The following CNTNAP5 variants were observed in gnomAD, a reference collection of about 807,000 sequenced individuals.
CNTNAP5 encodes contactin-associated protein-like 5.
CNTNAP5 carries 72 observed loss-of-function variants against 150.2 expected under a neutral mutation model. The ratio of observed to expected loss-of-function variants is 0.48; its 90% CI spans 0.40 to 0.58. The LOEUF is 0.58. Among genes scored for constraint, CNTNAP5 ranks in the 20% least tolerant of loss-of-function variants. The probability of loss-of-function intolerance (pLI) is 0.00; values close to 1 mark genes in which losing one functional copy is unlikely to be tolerated. For missense variants in CNTNAP5, 1,636 were observed against 1,626.2 expected (o/e 1.01, Z -0.10); for synonymous variants, 672 against 619.8 (o/e 1.08, Z -1.25).
chr2:124,109,137 G>A (rs1399923491), intron 1 of CNTNAP5, among the ~76,000 whole-genome samples: 1 of 152,036 alleles, frequency 6.6e-6, no homozygotes, highest in African/African-American at 2.4e-5. Flanking sequence ...TGCTCCAAAG[G>A]GTCCCTGATT....
chr2:124,161,834 A>C (rs1684687341), intron 1 of CNTNAP5, among the ~76,000 whole-genome samples: 2 of 152,210 alleles, frequency 1.3e-5, no homozygotes, highest in African/African-American at 4.8e-5. Context: ...TGATGATTAA[A>C]ATTTAGAAAG....
At chr2:124,537,515 T>C (rs944236587) in intron 10 of CNTNAP5, among the ~76,000 whole-genome samples, 1 of 152,060 alleles carries the variant, frequency 6.6e-6, no homozygotes, top group Non-Finnish European at 1.5e-5. Context: ...ATCTAATTCT[T>C]TGAGCTGACT....
intron 1 of CNTNAP5, among the ~76,000 whole-genome samples, chr2:124,050,860 C>T (rs1681677430): frequency 6.6e-6 from 1 of 152,198 alleles, no homozygotes; most frequent in Non-Finnish European, 1.5e-5. Flanking sequence ...AGTCCTGAAA[C>T]AAAATTTATA....
chr2:124,867,115 T>G (rs563766302), intron 20 of CNTNAP5, among the ~76,000 whole-genome samples: 1 of 152,064 alleles, frequency 6.6e-6, no homozygotes, highest in African/African-American at 2.4e-5. Context: ...TTCTCCTTCC[T>G]CCCTCCCTTT....
chr2:124,417,310 A>C (rs1691943894), intron 3 of CNTNAP5, 133 bp from the exon 4 acceptor site: 1 of 867,898 alleles, frequency 1.2e-6, no homozygotes, highest in African/African-American at 1.7e-5. Flanking sequence ...ATTTTCACCC[A>C]AGTCATATTT....
chr2:124,324,691 G>A (rs1263547233), intron 3 of CNTNAP5, among the ~76,000 whole-genome samples: 4 of 152,184 alleles, frequency 2.6e-5, no homozygotes, highest in African/African-American at 9.7e-5. Flanking sequence ...GTGCAAGGAG[G>A]AGGAGACAGC....
At chr2:124,072,104 C>T (rs1433833450) in intron 1 of CNTNAP5, among the ~76,000 whole-genome samples, 9 of 151,938 alleles carry the variant, frequency 5.9e-5, no homozygotes. Context: ...TGTGATACAT[C>T]TTATCAGCAG....
chr2:124,566,985 G>C (rs1258856769), intron 11 of CNTNAP5, among the ~76,000 whole-genome samples: 1 of 152,138 alleles, frequency 6.6e-6, no homozygotes, highest in Non-Finnish European at 1.5e-5. Context: ...TTTACTGAAG[G>C]AATTGACCAC....
intron 3 of CNTNAP5, among the ~76,000 whole-genome samples, chr2:124,296,879 C>G (rs1478906863): frequency 6.6e-6 from 1 of 152,164 alleles, no homozygotes; most frequent in Non-Finnish European, 1.5e-5. Context: ...GAGAAGGGCT[C>G]TCTGCCACTC....
intron 3 of CNTNAP5, among the ~76,000 whole-genome samples, chr2:124,403,775 A>T (rs540838740): frequency 6.6e-6 from 1 of 152,284 alleles, no homozygotes; most frequent in African/African-American, 2.4e-5. Flanking sequence ...GTAATTTATA[A>T]AAGAAGGAGG....
intron 1 of CNTNAP5, among the ~76,000 whole-genome samples, chr2:124,217,732 G>T (rs1304771241): frequency 6.6e-6 from 1 of 152,092 alleles, no homozygotes; most frequent in African/African-American, 2.4e-5. Flanking sequence ...TAAAATATTT[G>T]CTCTCAAATG....
chr2:124,893,371 T>C (rs1366550539), intron 21 of CNTNAP5, among the ~76,000 whole-genome samples: 1 of 152,174 alleles, frequency 6.6e-6, no homozygotes, highest in East Asian at 1.9e-4. Context: ...TTTTACTCAG[T>C]ACAGCAGGAT....
At chr2:124,030,910 A>G (rs956872593) in intron 1 of CNTNAP5, among the ~76,000 whole-genome samples, 6 of 152,160 alleles carry the variant, frequency 3.9e-5, no homozygotes, top group Admixed American at 2.6e-4. Context: ...ACCAACAAGT[A>G]TTAATTAACT....
intron 1 of CNTNAP5, among the ~76,000 whole-genome samples, chr2:124,103,803 T>A (rs147778148): frequency 7.3e-4 from 109 of 148,652 alleles, no homozygotes; most frequent in African/African-American, 2.5e-3. Context: ...AGTTATATTA[T>A]ATATAACTTA....
intron 1 of CNTNAP5, among the ~76,000 whole-genome samples, chr2:124,084,982 C>A (rs992693431): frequency 5.1e-5 from 6 of 117,324 alleles, no homozygotes; most frequent in Non-Finnish European, 9.7e-5. Flanking sequence ...AGTGCAGTGG[C>A]GTGATCTCGG....
chr2:124,326,800 A>C (rs918888292), intron 3 of CNTNAP5, among the ~76,000 whole-genome samples: 20 of 151,692 alleles, frequency 1.3e-4, no homozygotes, highest in African/African-American at 2.4e-4. Context: ...TAAATAAATA[A>C]ATACATACAT....
Position 124,764,053 on chromosome 2 carries a change from T to A in CNTNAP5, c.2439T>A (p.Ser813Arg), listed in dbSNP as rs375927406. The A allele has an allele frequency of 5.0e-6, 8 of 1,613,228 alleles. No homozygotes were observed. In the African/African-American group the frequency reaches 1.1e-4, roughly 22 times the overall value. ...LHFPTFHAEF[S>R]ADISFFFKTT... is the part of the protein sequence containing the mutation. ...TTCCTACCTTCCATGCGGAATTCAG[T>A]GCCGATATTTCCTTCTTTTTTAAAA... Residue 813 changes from serine to arginine, a missense_variant, in exon 16 of 24, where the codon AGT (serine) becomes AGA (arginine). Coordinates refer to ENST00000682447, the MANE Select transcript of CNTNAP5 (RefSeq NM_001367498.1).
At chr2:124,308,003 G>A (rs768368109) in intron 3 of CNTNAP5, among the ~76,000 whole-genome samples, 2 of 152,176 alleles carry the variant, frequency 1.3e-5, no homozygotes, top group Non-Finnish European at 2.9e-5. Flanking sequence ...GAAAGTCTGA[G>A]TGCCAGGTAC....
intron 17 of CNTNAP5, among the ~76,000 whole-genome samples, chr2:124,785,426 CAAAT>C (rs1363438276): frequency 1.3e-5 from 2 of 152,008 alleles, no homozygotes; most frequent in African/African-American, 4.8e-5. Context: ...AAAAAATTGA[CAAAT>C]AATTAAAATG....
Sources: allele counts gnomAD v4.1 joint callset (sites outside exome capture counted in the v4.1 genomes callset), GRCh38; gene constraint gnomAD v4.1.1; transcripts MANE v1.5; gene names NCBI Gene and HGNC (gene_info 2026-07-23, HGNC 2026-07-21).